ECHDC2: variants seen among roughly 807,000 people sequenced by gnomAD.
ECHDC2 encodes enoyl-CoA hydratase domain-containing protein 2, mitochondrial.
In ECHDC2, 34 loss-of-function variants were observed where a neutral mutation model predicts 40.6. The observed-to-expected ratio is 0.84, with a 90% CI of 0.64 to 1.11. The LOEUF is 1.11. Ranked by LOEUF, ECHDC2 falls within the 50% of genes most tolerant of loss-of-function variation. The pLI is 0.00. For synonymous variants in ECHDC2, 162 were observed against 166.6 expected (o/e 0.97, Z 0.21); for missense variants, 392 against 400.7 (o/e 0.98, Z 0.19).
intron 9 of ECHDC2, chr1:52,896,798 C>G (rs1646663402): frequency 1.8e-6 from 1 of 567,668 alleles, no homozygotes; most frequent in Non-Finnish European, 3.2e-6. Context: ...TTTGTATTCT[C>G]TGTGCCCCAT....
chr1:52,899,265 G>A, intron 7 of ECHDC2, 41 bp from the exon 8 acceptor site: 1 of 1,602,868 alleles, frequency 6.2e-7, no homozygotes, highest in Admixed American at 1.7e-5. Context: ...AGGGCATCAA[G>A]GCTGATAGTT....
chr1:52,917,667 GT>G, intron 1 of ECHDC2: 1 of 456,034 alleles, frequency 2.2e-6, no homozygotes, highest in South Asian at 1.5e-5. Flanking sequence ...GCATGATGAT[GT>G]TTTAGTTGGT....
At chr1:52,911,677 A>T (rs756529109) in intron 2 of ECHDC2, 24 bp from the exon 3 acceptor site, 2 of 1,614,208 alleles carry the variant, frequency 1.2e-6, no homozygotes, top group East Asian at 4.5e-5. Context: ...CCAGTTAGAT[A>T]GTGCCAGCCC....
Position 52,914,165 on chromosome 1 carries a change from T to G in ECHDC2, c.122-2375A>C. The G allele has an allele frequency of 2.2e-6, 1 of 456,792 alleles. No homozygotes were observed. Among genetic ancestry groups the G allele is most frequent in the East Asian group, 7.0e-5 (1 of 14,374 alleles). The allele number at this position is 456,792 out of a possible 1,614,324, so 28.3% of individuals were successfully genotyped here. A position where few individuals can be genotyped will look rare whatever the true frequency, so the allele number is the denominator to read the frequency against. ...AACTTGGAGAAAAAGGACAAACAAG[T>G]AAGGGGCCTCCAGTGGGCAGAGGGG... On this transcript the variant is annotated intron_variant, in intron 1 of 9. Coordinates refer to ENST00000371522, the MANE Select transcript of ECHDC2 (RefSeq NM_001198961.2). This position sits in a 1 kb window ranked among gnomAD's most constrained non-coding sequence, Gnocchi z 4.0.
chr1:52,921,352 C>A (rs1406521785), intron 1 of ECHDC2: 3 of 1,292,026 alleles, frequency 2.3e-6, no homozygotes, highest in Non-Finnish European at 3.0e-6. Flanking sequence ...TGCCAGAGGC[C>A]CCCCGCCCCC....
chr1:52,897,452 C>T lies in ECHDC2; in HGVS notation c.786G>A (p.Gly262=), dbSNP rs1423549848. The change falls in exon 9 of 10, where the codon GGG becomes GGA. Residue 262 remains glycine, a synonymous_variant. Coordinates refer to ENST00000371522, the MANE Select transcript of ECHDC2 (RefSeq NM_001198961.2). ...TGCTACATACCTGGGCATAGCACAT[C>T]CCTTCAATGGCCATCCCAGATGCAA... ...VDIASGMAIE[G]MCYAQNIPTR... is the part of the protein sequence containing the mutation. The T allele has an allele frequency of 6.2e-7, 1 of 1,614,206 alleles. No individual in the cohort carries two copies. Among genetic ancestry groups the T allele is most frequent in the Non-Finnish European group, 8.5e-7 (1 of 1,180,036 alleles).
intron 6 of ECHDC2, 69 bp downstream of exon 6, chr1:52,904,965 G>C: frequency 6.2e-7 from 1 of 1,608,500 alleles, no homozygotes; most frequent in Non-Finnish European, 8.5e-7. Flanking sequence ...CAGAACAGAG[G>C]GCAAAAAAGG....
chr1:52,917,793 T>C (rs1481240493), intron 1 of ECHDC2, among the ~76,000 whole-genome samples: 2 of 152,106 alleles, frequency 1.3e-5, no homozygotes, highest in Non-Finnish European at 2.9e-5. Context: ...AATGCAACAC[T>C]CAAATGCTGG....
At chr1:52,909,094 A>C (rs1224003144) in intron 3 of ECHDC2, among the ~76,000 whole-genome samples, 1 of 152,190 alleles carries the variant, frequency 6.6e-6, no homozygotes, top group Non-Finnish European at 1.5e-5. Flanking sequence ...CGTCTATTAG[A>C]ATGGCTTTTA....
chr1:52,902,941 T>A (rs1647079744), intron 7 of ECHDC2, among the ~76,000 whole-genome samples: 4 of 152,188 alleles, frequency 2.6e-5, no homozygotes, highest in African/African-American at 9.7e-5. Context: ...TACATTAAGG[T>A]ACCTAGCATT....
intron 7 of ECHDC2, 22 bp from the exon 8 acceptor site, chr1:52,899,246 T>C (rs753134236): frequency 1.2e-6 from 2 of 1,613,756 alleles, no homozygotes; most frequent in South Asian, 2.2e-5. Flanking sequence ...CAAAAAGTCT[T>C]GGTTGAGGAG....
intron 7 of ECHDC2, chr1:52,899,505 C>T: frequency 2.2e-6 from 1 of 460,250 alleles, no homozygotes; most frequent in Non-Finnish European, 3.9e-6. Context: ...GTGCTTTCCT[C>T]CCCCACAGAC....
chr1:52,921,607 C>A lies in ECHDC2; in HGVS notation c.67G>T (p.Gly23Trp), dbSNP rs1454104966. 4 of 1,602,798 alleles carry A rather than the reference C, an allele frequency of 2.5e-6. No individual in the cohort carries two copies. The highest frequency in any genetic ancestry group is 3.4e-6 in the Non-Finnish European group (4 of 1,175,566). Residue 23 changes from glycine (G) to tryptophan (W), a missense_variant, in exon 1 of 10, where the codon GGG (glycine) becomes TGG (tryptophan). By Grantham distance (184) the Gly-to-Trp change is radical (BLOSUM62 -2). Coordinates refer to ENST00000371522, the MANE Select transcript of ECHDC2 (RefSeq NM_001198961.2). The stretch of plus-strand genomic sequence containing the variant: ...TGGATCTCTGAGCCCCCGGCCGCCC[C>A]GTCGGAAGCGCAGCCGCGGGCCCGA... Reference protein sequence around the residue: ...PLRARGCASDGAAGGSEIQVR... With the variant: ...PLRARGCASDWAAGGSEIQVR...
In ECHDC2 at chr1:52,911,566, C is replaced by G. The variant is rs1213664279; in HGVS notation, c.277G>C (p.Gly93Arg). Residue 93 changes from glycine to arginine, a missense_variant and splice_region_variant, in exon 3 of 10, where the codon GGT becomes CGT. Transcript: ENST00000371522. ...RSGVKGVFCA[G>R]ADLKEREQMS... is the part of the protein sequence containing the mutation. ...GATGGGGGCAGGAGAGAGAACCTAC[C>G]TGCACAGAACACGCCCTTCACTCCA... is the stretch of plus-strand genomic sequence containing the variant. 5.0e-6 allele frequency: 8 copies of G among 1,613,306 alleles called. No individual in the cohort carries two copies. Among genetic ancestry groups the G allele is most frequent in the Non-Finnish European group, 6.8e-6 (8 of 1,180,016 alleles).
rs117070463 is a variant in ECHDC2 at position 52,910,181 on chromosome 1, G to C, written c.277+1385C>G. The stretch of plus-strand genomic sequence containing the variant: ...CCAGGCTGGAGGGGAAGGGGGAATG[G>C]GAGTCACTGTCTGAACAGGCTGAGT... On this transcript the variant is annotated intron_variant, in intron 3 of 9. Transcript: ENST00000371522. Among the ~76,000 whole-genome samples, 100 of 151,972 alleles carry C rather than the reference G, an allele frequency of 6.6e-4. No homozygotes were observed. In the East Asian group the frequency reaches 0.018, roughly 27 times the overall value.
chr1:52,917,223 G>GAA (rs569946278), intron 1 of ECHDC2, among the ~76,000 whole-genome samples: 2 of 99,962 alleles, frequency 2.0e-5, no homozygotes, highest in Admixed American at 1.8e-4. Flanking sequence ...CCATCTCAAA[G>GAA]AAAAAAAAAA....
chr1:52,908,040 C>T, intron 3 of ECHDC2, 86 bp from the exon 4 acceptor site: 2 of 1,239,488 alleles, frequency 1.6e-6, no homozygotes, highest in South Asian at 1.3e-5. Flanking sequence ...GCAAAGAAGA[C>T]CTGAGGACAG....
chr1:52,896,621 G>A, intron 9 of ECHDC2, 24 bp from the exon 10 acceptor site: 8 of 1,601,866 alleles, frequency 5.0e-6, no homozygotes, highest in Non-Finnish European at 6.8e-6. Context: ...CAAAATATTA[G>A]TTTTGGGGGA....
intron 1 of ECHDC2, among the ~76,000 whole-genome samples, chr1:52,916,331 C>A (rs1355828897): frequency 6.6e-6 from 1 of 152,120 alleles, no homozygotes; most frequent in African/African-American, 2.4e-5. Flanking sequence ...GACTGTCTCT[C>A]ATCTTTCAGC....
Sources: gnomAD v4.1 joint callset for allele counts (sites outside exome capture counted in the v4.1 genomes callset) on GRCh38, gnomAD v4.1.1 for gene constraint, Gnocchi (gnomAD v3.1) non-coding constraint, MANE v1.5 for transcripts, NCBI Gene and HGNC (gene_info 2026-07-23, HGNC 2026-07-21) for gene names.